NRG3: variants seen among roughly 807,000 people sequenced by gnomAD.
NRG3 encodes neuregulin 3, also known as pro-neuregulin-3, membrane-bound isoform.
NRG3 carries 31 observed loss-of-function variants against 66.9 expected under a neutral mutation model. The ratio of observed to expected loss-of-function variants is 0.46; its 90% CI spans 0.35 to 0.63. NRG3 has a LOEUF of 0.63. Among genes scored for constraint, NRG3 ranks in the 20% least tolerant of loss-of-function variants. The probability of loss-of-function intolerance (pLI) is 0.00; values close to 1 mark genes in which losing one functional copy is unlikely to be tolerated. For missense variants in NRG3, 910 were observed against 878.9 expected, an observed-to-expected ratio of 1.04 and a Z score of -0.45; for synonymous variants, 393 against 359.4, an observed-to-expected ratio of 1.09 and a Z score of -1.06.
At chr10:82,099,587 C>A (rs548746458) in intron 1 of NRG3, among the ~76,000 whole-genome samples, 1 of 152,214 alleles carries the variant, frequency 6.6e-6, no homozygotes, top group East Asian at 1.9e-4. Flanking sequence ...TTAGAATAAA[C>A]TTGTTGGTAT....
chr10:82,262,852 A>T (rs897228937), intron 1 of NRG3, among the ~76,000 whole-genome samples: 3 of 152,176 alleles, frequency 2.0e-5, no homozygotes, highest in Non-Finnish European at 4.4e-5. Context: ...AGGCTCAGAG[A>T]GTTAAAAAGC....
At chr10:82,581,837 T>C (rs1358865242) in intron 2 of NRG3, among the ~76,000 whole-genome samples, 1 of 151,946 alleles carries the variant, frequency 6.6e-6, no homozygotes, top group Non-Finnish European at 1.5e-5. Flanking sequence ...CTTATAGAAG[T>C]TTTATACAGT....
rs1300167184 is a variant in NRG3 at position 82,182,380 on chromosome 10, T to C, written c.824-176359T>C. On this transcript the variant is annotated intron_variant, in intron 1 of 8. Coordinates refer to ENST00000372141, the MANE Select transcript of NRG3 (RefSeq NM_001010848.4). ...CATTGATTTTTTATAGTGACATGCA[T>C]TGTTTTCTTTCTCATTTATCTTCTA... Among the ~76,000 whole-genome samples the C allele has an allele frequency of 2.6e-5, 4 of 151,760 alleles. No individual in the cohort carries two copies. The East Asian group carries it at 7.7e-4, about 29-fold the overall frequency.
intron 2 of NRG3, among the ~76,000 whole-genome samples, chr10:82,692,045 G>C (rs1246427210): frequency 1.3e-5 from 2 of 152,062 alleles, no homozygotes; most frequent in Non-Finnish European, 1.5e-5. Flanking sequence ...AGGCCAAGGT[G>C]GGTGGATCAC....
intron 2 of NRG3, among the ~76,000 whole-genome samples, chr10:82,429,155 T>G (rs1295880922): frequency 6.6e-6 from 1 of 152,032 alleles, no homozygotes; most frequent in Non-Finnish European, 1.5e-5. Context: ...TACAAATTCA[T>G]TTTTTACATT....
At chr10:82,800,747 T>A (rs1327875746) in intron 3 of NRG3, among the ~76,000 whole-genome samples, 2 of 152,162 alleles carry the variant, frequency 1.3e-5, no homozygotes, top group Non-Finnish European at 2.9e-5. Context: ...AAGAGTTCAG[T>A]CTCAAATGCT....
intron 2 of NRG3, among the ~76,000 whole-genome samples, chr10:82,582,293 TA>T (rs2046398319): frequency 1.3e-5 from 2 of 151,914 alleles, no homozygotes; most frequent in Non-Finnish European, 2.9e-5. Flanking sequence ...AAATGGGAGG[TA>T]AGGATACATA....
intron 1 of NRG3, among the ~76,000 whole-genome samples, chr10:82,239,975 A>G (rs1332754358): frequency 1.3e-5 from 2 of 152,158 alleles, no homozygotes; most frequent in Non-Finnish European, 2.9e-5. Flanking sequence ...CCCATAATAG[A>G]GTGTACTGGT....
intron 1 of NRG3, among the ~76,000 whole-genome samples, chr10:82,347,849 G>C (rs1405091789): frequency 6.6e-6 from 1 of 151,808 alleles, no homozygotes; most frequent in Non-Finnish European, 1.5e-5. Flanking sequence ...TTTGATCTTT[G>C]CTGGTTTAAA....
At chr10:81,911,746 C>T (rs1845190733) in intron 1 of NRG3, among the ~76,000 whole-genome samples, 1 of 150,382 alleles carries the variant, frequency 6.6e-6, no homozygotes, top group Admixed American at 6.7e-5. Context: ...CACACACACA[C>T]CCCAAACCCG....
chr10:82,717,978 C>T (rs182847726), intron 2 of NRG3, among the ~76,000 whole-genome samples: 3 of 152,110 alleles, frequency 2.0e-5, no homozygotes, highest in African/African-American at 7.2e-5. Context: ...GGATAATAAC[C>T]ACCACACCCT....
At chr10:82,537,155 G>A (rs888036410) in intron 2 of NRG3, among the ~76,000 whole-genome samples, 1 of 151,848 alleles carries the variant, frequency 6.6e-6, no homozygotes, top group African/African-American at 2.4e-5. Context: ...TCTAGACGTG[G>A]TCTGTAAGCT....
intron 2 of NRG3, among the ~76,000 whole-genome samples, chr10:82,617,036 T>A (rs191368408): frequency 3.6e-4 from 55 of 152,256 alleles, no homozygotes; most frequent in Middle Eastern, 3.4e-3. Context: ...GATTGGATAG[T>A]CCTTGTTTTT....
At chr10:82,016,605 T>C (rs556045319) in intron 1 of NRG3, among the ~76,000 whole-genome samples, 2 of 152,222 alleles carry the variant, frequency 1.3e-5, no homozygotes, top group African/African-American at 4.8e-5. Flanking sequence ...AAATTTATGT[T>C]TCAGCAAGAT....
chr10:81,943,573 G>C (rs184202001), intron 1 of NRG3, among the ~76,000 whole-genome samples: 13 of 152,268 alleles, frequency 8.5e-5, no homozygotes, highest in Admixed American at 4.6e-4. Context: ...GCAGCCTACT[G>C]CCTGGATCTG....
intron 2 of NRG3, among the ~76,000 whole-genome samples, chr10:82,670,300 C>T (rs1243100436): frequency 2.6e-5 from 4 of 152,082 alleles, no homozygotes; most frequent in African/African-American, 9.7e-5. Context: ...TCAGTAGTCA[C>T]CCCATAAATG....
At chr10:82,775,120 C>G (rs912082647) in intron 3 of NRG3, among the ~76,000 whole-genome samples, 31 of 151,792 alleles carry the variant, frequency 2.0e-4, no homozygotes, top group Admixed American at 1.8e-3. Context: ...GCCACCGTGC[C>G]CAGCCTATTA....
rs10628568 is a variant in NRG3 at position 82,916,630 on chromosome 10, A to ATTT, written c.1055-34827_1055-34825dup. Among the ~76,000 whole-genome samples, 67 of 148,018 alleles carry ATTT rather than the reference A, an allele frequency of 4.5e-4. 1 individual carries two copies. The East Asian group carries it at 5.0e-3, about 11-fold the overall frequency. ...ACAGTATAAAGATCCCAGCAATTAC[A>ATTT]TTTTTTTTTTTTTTGAGACAGAGCC... On this transcript the variant is annotated intron_variant, in intron 4 of 8. Transcript: ENST00000372141.
chr10:82,670,207 T>C (rs996611665), intron 2 of NRG3, among the ~76,000 whole-genome samples: 1 of 152,136 alleles, frequency 6.6e-6, no homozygotes, highest in Non-Finnish European at 1.5e-5. Flanking sequence ...CCACTACTCA[T>C]CATGTCTCCC....
Sources: gnomAD v4.1 joint callset for allele counts (sites outside exome capture counted in the v4.1 genomes callset) on GRCh38, gnomAD v4.1.1 for gene constraint, MANE v1.5 for transcripts, NCBI Gene and HGNC (gene_info 2026-07-23, HGNC 2026-07-21) for gene names.